SYTL2: variants seen among roughly 807,000 people sequenced by gnomAD.
SYTL2 encodes synaptotagmin-like protein 2.
In SYTL2, 165 loss-of-function variants were observed where a neutral mutation model predicts 198.7. That is an observed-to-expected ratio of 0.83 (90% CI 0.73 to 0.94). The LOEUF (loss-of-function observed/expected upper bound fraction) is 0.94, where lower values mean the gene tolerates loss of function less well. Among genes scored for constraint, SYTL2 ranks in the 40% least tolerant of loss-of-function variants. The pLI, the probability that SYTL2 is intolerant of heterozygous loss-of-function variation, is 0.00. For missense variants in SYTL2, 2,835 were observed against 2,582.8 expected (o/e 1.10, Z -2.12); for synonymous variants, 966 against 917.7 (o/e 1.05, Z -0.95).
At chr11:85,709,668 C>T (rs1183248120) in intron 13 of SYTL2, among the ~76,000 whole-genome samples, 168 bp from the exon 14 acceptor site, 9 of 152,126 alleles carry the variant, frequency 5.9e-5, no homozygotes. Context: ...ACATGATATA[C>T]ATGACTAGAG....
At chr11:85,780,303 C>T (rs1458678428) in intron 1 of SYTL2, among the ~76,000 whole-genome samples, 1 of 152,222 alleles carries the variant, frequency 6.6e-6, no homozygotes, top group Non-Finnish European at 1.5e-5. Flanking sequence ...TTTCCTGGTA[C>T]ATAGCTCCTA....
chr11:85,765,230 C>A (rs1416354910), intron 1 of SYTL2, among the ~76,000 whole-genome samples: 1 of 152,174 alleles, frequency 6.6e-6, no homozygotes, highest in African/African-American at 2.4e-5. Context: ...GATAAGCTAT[C>A]CAACAATAGG....
chr11:85,813,709 T>TC (rs1592110568), upstream of SYTL2, among the ~76,000 whole-genome samples: 1 of 101,828 alleles, frequency 9.8e-6, no homozygotes, highest in African/African-American at 3.9e-5. Context: ...CCTCCCTCCC[T>TC]CCCTCCTTTC....
chr11:85,734,104 G>A lies in SYTL2; in HGVS notation c.1225C>T (p.Gln409Ter), dbSNP rs2090106936. 1.2e-6 allele frequency: 2 copies of A among 1,614,162 alleles called. No homozygotes were observed. Among genetic ancestry groups the A allele is most frequent in the East Asian group, 4.5e-5 (2 of 44,878 alleles). ...SPYVSKSETHQPMTSGSFPIN... is the reference protein window; with the variant it reads ...SPYVSKSETH ...GGAAAAGAACCAGAAGTCATTGGCT[G>A]ATGTGTTTCACTTTTTGATACATAT... Residue 409 changes from glutamine to a stop codon, truncating the protein, a stop_gained, in exon 7 of 20, where the codon CAG (glutamine) becomes TAG (stop). Transcript: ENST00000359152. LOFTEE classifies it high-confidence loss of function.
At chr11:85,811,963 T>C (rs773560700), upstream of SYTL2, among the ~76,000 whole-genome samples, 30 of 152,190 alleles carry the variant, frequency 2.0e-4, no homozygotes, top group Non-Finnish European at 2.9e-4. Flanking sequence ...AAAAATTAGC[T>C]GGGTGTGGTG....
At chr11:85,823,343 C>T in the SYTL2 span, among the ~76,000 whole-genome samples, 5 of 152,214 alleles carry the variant, frequency 3.3e-5, no homozygotes, top group African/African-American at 4.8e-5. Context: ...TACATGTTGC[C>T]GGCTGACATT....
chr11:85,727,947 C>T lies in SYTL2; in HGVS notation c.1411G>A (p.Glu471Lys). Residue 471 changes from glutamate (E) to lysine (K), a missense_variant, in exon 8 of 20, where the codon GAG becomes AAG. By Grantham distance (56) the Glu-to-Lys change is moderately conservative (BLOSUM62 1). Around this residue, in one of 3 missense-constraint regions of SYTL2, gnomAD observed 2,645 missense variants for 2,381.7 expected, o/e 1.11. Transcript: ENST00000359152. ...SPADELSHCV[E>K]PEPSQVPGGS... ...CCTGGCACCTGAGATGGCTCAGGCT[C>T]AACACAATGAGACAGTTCATCTGCA... The T allele has an allele frequency of 6.2e-7, 1 of 1,607,748 alleles. No homozygotes were observed. Among genetic ancestry groups the T allele is most frequent in the Non-Finnish European group, 8.5e-7 (1 of 1,178,190 alleles).
chr11:85,720,926 G>A lies in SYTL2; in HGVS notation c.5360C>T (p.Thr1787Ile), dbSNP rs374733684. Residue 1787 changes from threonine (T) to isoleucine (I), a missense_variant, in exon 9 of 20, where the codon ACT (threonine) becomes ATT (isoleucine). This residue lies in a region of SYTL2 where 2,645 missense variants were observed against 2,381.7 expected (regional missense o/e 1.11). Coordinates refer to ENST00000359152, the MANE Select transcript of SYTL2 (RefSeq NM_206927.4). ...SEEEPSPVLK[T>I]LERSAARKMP... ...TTTCCTAGCGGCACTCCTTTCCAAA[G>A]TTTTCAAAACAGGACTGGGTTCTTC... 188 of 1,612,476 alleles carry A rather than the reference G, an allele frequency of 1.2e-4. 1 individual carries two copies. Among genetic ancestry groups the A allele is most frequent in the Non-Finnish European group, 1.4e-4 (169 of 1,179,284 alleles).
chr11:85,724,314 G>A lies in SYTL2; in HGVS notation c.5044C>T (p.Pro1682Ser), dbSNP rs73502601. The part of the protein sequence containing the change: ...EIGTIKTVTP[P>S]EDRDSESGVA... ...CCACTTTCACTGTCCCTGTCCTCTG[G>A]GGGGGTTACAGTTTTAATGGTCCCT... Residue 1682 changes from proline (P) to serine (S), a missense_variant, in exon 8 of 20, where the codon CCA (proline) becomes TCA (serine). Pro to Ser is a moderately conservative substitution (Grantham distance 74). Transcript: ENST00000359152. 3.2e-6 allele frequency: 5 copies of A among 1,578,160 alleles called. No homozygotes were observed. The highest frequency in any genetic ancestry group is 1.8e-5 in the Admixed American group (1 of 54,344).
chr11:85,733,381 A>G (rs1345016836), intron 7 of SYTL2, among the ~76,000 whole-genome samples: 1 of 152,140 alleles, frequency 6.6e-6, no homozygotes, highest in East Asian at 1.9e-4. Flanking sequence ...ATGGTTATAT[A>G]TATTTTAGGG....
chr11:85,721,021 A>C (rs1342802486), intron 8 of SYTL2, 62 bp from the exon 9 acceptor site: 26 of 963,782 alleles, frequency 2.7e-5, no homozygotes, highest in Non-Finnish European at 2.8e-5. Flanking sequence ...ATCCTCTAAC[A>C]TATGGACATA....
At chr11:85,711,328 T>A in intron 12 of SYTL2, 96 bp from the exon 13 acceptor site, 1 of 1,349,776 alleles carries the variant, frequency 7.4e-7, no homozygotes, top group Non-Finnish European at 1.0e-6. Flanking sequence ...GGTATTCCAC[T>A]GACATTTACG....
the SYTL2 span, among the ~76,000 whole-genome samples, chr11:85,846,214 G>A: frequency 6.6e-6 from 1 of 152,184 alleles, no homozygotes; most frequent in Non-Finnish European, 1.5e-5. Flanking sequence ...CATGGCAGCT[G>A]GCTTCCTCTA....
chr11:85,768,664 C>A (rs1411319622), intron 1 of SYTL2, among the ~76,000 whole-genome samples: 1 of 152,222 alleles, frequency 6.6e-6, no homozygotes, highest in African/African-American at 2.4e-5. Flanking sequence ...TAACCTCCTA[C>A]ACCATTTTAA....
chr11:85,731,308 G>A (rs997326251), intron 7 of SYTL2, among the ~76,000 whole-genome samples: 22 of 152,148 alleles, frequency 1.4e-4, no homozygotes, highest in Non-Finnish European at 3.1e-4. Context: ...AAAGCTGGAG[G>A]CATCACGCTA....
intron 1 of SYTL2, among the ~76,000 whole-genome samples, chr11:85,765,388 C>T (rs2092213300): frequency 6.6e-6 from 1 of 152,150 alleles, no homozygotes; most frequent in Non-Finnish European, 1.5e-5. Flanking sequence ...AGGCACCTGC[C>T]ACCATGCCAA....
At chr11:85,718,116 T>C (rs1241282538) in intron 10 of SYTL2, 1 of 169,998 alleles carries the variant, frequency 5.9e-6, no homozygotes, top group Admixed American at 5.6e-5. Flanking sequence ...AAATCCAGCA[T>C]GCAAATACAA....
chr11:85,827,901 C>T, the SYTL2 span, among the ~76,000 whole-genome samples: 1 of 152,152 alleles, frequency 6.6e-6, no homozygotes, highest in Non-Finnish European at 1.5e-5. Context: ...AACACACTCA[C>T]AAAAAGTTGC....
At chr11:85,853,805 T>A in the SYTL2 span, 1 of 150,558 alleles carries the variant, frequency 6.6e-6, no homozygotes, top group South Asian at 2.1e-4. Flanking sequence ...TAAAAAAATC[T>A]CGTTAAGCTG....
Sources: gnomAD v4.1 joint callset for allele counts (sites outside exome capture counted in the v4.1 genomes callset) on GRCh38, gnomAD v4.1.1 for gene constraint, gnomAD v4.1.1 regional missense constraint, MANE v1.5 for transcripts, NCBI Gene and HGNC (gene_info 2026-07-23, HGNC 2026-07-21) for gene names.